The following GRIA2 variants were observed in gnomAD, a reference collection of about 807,000 sequenced individuals.
GRIA2 encodes the protein glutamate ionotropic receptor AMPA type subunit 2.
In GRIA2, 14 loss-of-function variants were observed where a neutral mutation model predicts 97.3. The ratio of observed to expected loss-of-function variants is 0.14; its 90% CI spans 0.10 to 0.23. The LOEUF is 0.23. GRIA2 is among the 10% of genes least tolerant of loss of function. The probability of loss-of-function intolerance (pLI) is 1.00; values close to 1 mark genes in which losing one functional copy is unlikely to be tolerated. For synonymous variants in GRIA2, 412 were observed against 387.8 expected, an observed-to-expected ratio of 1.06 and a Z score of -0.73; for missense variants, 558 against 1,069.8, an observed-to-expected ratio of 0.52 and a Z score of 6.67.
chr4:157,244,869 G>A (rs985829005), intron 2 of GRIA2, among the ~76,000 whole-genome samples: 5 of 152,028 alleles, frequency 3.3e-5, no homozygotes, highest in Non-Finnish European at 5.9e-5. Context: ...GGAGGAATGA[G>A]GCCTTCCTGT....
chr4:157,265,312 C>T (rs780756938), intron 2 of GRIA2, among the ~76,000 whole-genome samples: 4 of 152,040 alleles, frequency 2.6e-5, no homozygotes, highest in Non-Finnish European at 5.9e-5. Context: ...CAAACCAGCC[C>T]AAAACTTAAT....
chr4:157,244,614 GT>G (rs1344584698), intron 2 of GRIA2, among the ~76,000 whole-genome samples: 3 of 152,030 alleles, frequency 2.0e-5, no homozygotes, highest in African/African-American at 7.2e-5. Flanking sequence ...TTACAGGGAT[GT>G]AAGGTTTGTT....
chr4:157,277,485 C>G (rs536145143), intron 2 of GRIA2, among the ~76,000 whole-genome samples: 1 of 151,776 alleles, frequency 6.6e-6, no homozygotes, highest in Non-Finnish European at 1.5e-5. Context: ...CAAGGATGTT[C>G]TCTTTCACCA....
chr4:157,291,442 AT>A (rs907081661), intron 2 of GRIA2, among the ~76,000 whole-genome samples: 3 of 151,548 alleles, frequency 2.0e-5, no homozygotes, highest in Admixed American at 6.6e-5. Context: ...ATTTTCTCCT[AT>A]TTTTTTTAAT....
chr4:157,249,968 T>C (rs1579304084), intron 2 of GRIA2: 1 of 152,132 alleles, frequency 6.6e-6, no homozygotes, highest in African/African-American at 2.4e-5. Flanking sequence ...CAATTATATA[T>C]TGTTTTTATT....
At chr4:157,243,806 C>T (rs1316555150) in intron 2 of GRIA2, among the ~76,000 whole-genome samples, 1 of 151,952 alleles carries the variant, frequency 6.6e-6, no homozygotes, top group Non-Finnish European at 1.5e-5. Context: ...TTACCAGAAT[C>T]TAGTTATCAT....
intron 3 of GRIA2, among the ~76,000 whole-genome samples, chr4:157,310,826 T>A (rs1047525182): frequency 4.6e-5 from 7 of 152,068 alleles, no homozygotes; most frequent in Non-Finnish European, 1.0e-4. Flanking sequence ...GTGCTTAAAA[T>A]ATTTTCTTCT....
Position 157,335,971 on chromosome 4 carries a change from T to G in GRIA2, c.1473+94T>G, listed in dbSNP as rs945839057. ...CCTGTGAAGTATCTATATCTGAGGT[T>G]GTTGATTTCCCACATTACTCTAGAA... On this transcript the variant is annotated intron_variant, in intron 10 of 15. Transcript: ENST00000264426. 1.3e-5 allele frequency: 11 copies of G among 820,868 alleles called. No individual in the cohort carries two copies. In the East Asian group the frequency reaches 2.4e-4, roughly 18 times the overall value. The allele number at this position is 820,868 out of a possible 1,614,324, so 50.8% of individuals were successfully genotyped here. A position where few individuals can be genotyped will look rare whatever the true frequency, so the allele number is the denominator to read the frequency against.
intron 12 of GRIA2, chr4:157,342,505 C>T (rs1426415069): frequency 4.2e-6 from 4 of 962,084 alleles, no homozygotes; most frequent in Non-Finnish European, 4.9e-6. Flanking sequence ...AAATGTGGAC[C>T]ATCAGCAGCT....
intron 11 of GRIA2, 54 bp from the exon 12 acceptor site, chr4:157,341,210 T>A (rs981181424): frequency 4.9e-6 from 6 of 1,226,632 alleles, no homozygotes; most frequent in Non-Finnish European, 7.2e-6. Context: ...CTAACTTGTT[T>A]TTTTATTAGG....
chr4:157,317,570 G>A (rs774470898), intron 4 of GRIA2, 88 bp from the exon 5 acceptor site: 19 of 506,882 alleles, frequency 3.7e-5, no homozygotes, highest in Non-Finnish European at 5.7e-5. Context: ...AAAATTCCAC[G>A]TTTTTCCCTG....
Position 157,360,162 on chromosome 4 carries a change from C to A in GRIA2, c.2291+19C>A. ...CATTAAGGTGGGTGGAATAGTATAA[C>A]AATATGCTAAATGTTGTTATAGTAT... On this transcript the variant is annotated intron_variant, in intron 13 of 15. Coordinates refer to ENST00000264426, the MANE Select transcript of GRIA2 (RefSeq NM_001083619.3). The A allele has an allele frequency of 6.2e-7, 1 of 1,610,064 alleles. No homozygotes were observed. Among genetic ancestry groups the A allele is most frequent in the Non-Finnish European group, 8.5e-7 (1 of 1,176,950 alleles).
chr4:157,253,440 C>T (rs988870133), intron 2 of GRIA2, among the ~76,000 whole-genome samples: 1 of 151,920 alleles, frequency 6.6e-6, no homozygotes, highest in South Asian at 2.1e-4. Flanking sequence ...ATGTAAAATA[C>T]AGTAAGTGGG....
At chr4:157,355,266 G>A (rs568118351) in intron 12 of GRIA2, among the ~76,000 whole-genome samples, 1 of 151,930 alleles carries the variant, frequency 6.6e-6, no homozygotes, top group Non-Finnish European at 1.5e-5. Context: ...AGTGGCTCAC[G>A]CCTGTAATCC....
rs150860151 is a variant in GRIA2 at position 157,268,428 on chromosome 4, G to A, written c.230-35124G>A. ...CTTGAGCAAATTATTTAATTTTGTC[G>A]TCTCAGTTTTCTTATAGTGAAAAAT... On this transcript the variant is annotated intron_variant, in intron 2 of 15. Coordinates refer to ENST00000264426, the MANE Select transcript of GRIA2 (RefSeq NM_001083619.3). Among the ~76,000 whole-genome samples, 385 of 151,958 alleles carry A rather than the reference G, an allele frequency of 2.5e-3. 1 individual carries two copies. Among genetic ancestry groups the A allele is most frequent in the African/African-American group, 8.5e-3 (354 of 41,502 alleles).
At chr4:157,306,185 T>C (rs1365855009) in intron 3 of GRIA2, among the ~76,000 whole-genome samples, 1 of 152,140 alleles carries the variant, frequency 6.6e-6, no homozygotes, top group Non-Finnish European at 1.5e-5. Flanking sequence ...GCCTTCATCC[T>C]TACCCTCACC....
intron 2 of GRIA2, among the ~76,000 whole-genome samples, chr4:157,228,222 G>A (rs1729835527): frequency 6.6e-6 from 1 of 152,106 alleles, no homozygotes; most frequent in South Asian, 2.1e-4. Context: ...TTTTACAGTA[G>A]ATGTTCTTAT....
intron 12 of GRIA2, 78 bp from the exon 13 acceptor site, chr4:157,359,818 A>G (rs1736556385): frequency 7.8e-7 from 1 of 1,287,098 alleles, no homozygotes; most frequent in Non-Finnish European, 1.1e-6. Flanking sequence ...TTTGAAAAGT[A>G]ATACCTCTTT....
intron 2 of GRIA2, among the ~76,000 whole-genome samples, chr4:157,238,465 G>T (rs1430402039): frequency 6.6e-6 from 1 of 152,048 alleles, no homozygotes; most frequent in African/African-American, 2.4e-5. Context: ...TAATCTGCAA[G>T]ACTCTACTCA....
Sources: gnomAD v4.1 joint callset for allele counts (sites outside exome capture counted in the v4.1 genomes callset) on GRCh38, gnomAD v4.1.1 for gene constraint, MANE v1.5 for transcripts, NCBI Gene and HGNC (gene_info 2026-07-23, HGNC 2026-07-21) for gene names.